NR2F1-AS1: variants seen among roughly 807,000 people sequenced by gnomAD.
NR2F1-AS1 encodes the protein NR2F1 regulatory antisense RNA 1, also known as NR2F1 antisense RNA 1.
At chr5:93,457,321 G>A (rs1468325760) in intron 4 of NR2F1-AS1, among the ~76,000 whole-genome samples, 2 of 152,174 alleles carry the variant, frequency 1.3e-5, no homozygotes, top group Non-Finnish European at 2.9e-5. Flanking sequence ...AGATTAGGGA[G>A]TGGTGATGAC....
At chr5:93,554,542 TTAA>T (rs1352177936) in intron 3 of NR2F1-AS1, among the ~76,000 whole-genome samples, 3 of 152,176 alleles carry the variant, frequency 2.0e-5, no homozygotes, top group Non-Finnish European at 4.4e-5. Flanking sequence ...GTAAGTAAAA[TTAA>T]TGTTACATGC....
In NR2F1-AS1 at chr5:93,579,969, G is replaced by C. The variant is rs1752982964; in HGVS notation, n.313+498C>G. On this transcript the variant is annotated intron_variant and non_coding_transcript_variant, in intron 1 of 5. Coordinates refer to ENST00000660523, the Ensembl canonical transcript of NR2F1-AS1. This position sits in a 1 kb window ranked among gnomAD's most constrained non-coding sequence, Gnocchi z 5.1. ...GGGGATGGCGTTACAAACGGCGTCC[G>C]CAGGTGGGCGGCTGCAGCCAAGCTC... Among the ~76,000 whole-genome samples, 1 of 152,322 alleles carries C rather than the reference G, an allele frequency of 6.6e-6. No homozygotes were observed. Among genetic ancestry groups the C allele is most frequent in the Middle Eastern group, 3.4e-3 (1 of 294 alleles).
At chr5:93,559,062 T>C (rs1054945538) in intron 2 of NR2F1-AS1, among the ~76,000 whole-genome samples, 2 of 152,242 alleles carry the variant, frequency 1.3e-5, no homozygotes, top group Non-Finnish European at 2.9e-5. Flanking sequence ...TGGACTTCTC[T>C]GCTCTAGCTA....
intron 4 of NR2F1-AS1, among the ~76,000 whole-genome samples, chr5:93,460,780 G>A (rs914806316): frequency 3.3e-5 from 5 of 152,152 alleles, no homozygotes; most frequent in African/African-American, 1.2e-4. Context: ...AAACCACAGT[G>A]AGGTACCATC....
chr5:93,478,870 A>G (rs1750542773), intron 4 of NR2F1-AS1, among the ~76,000 whole-genome samples: 1 of 152,202 alleles, frequency 6.6e-6, no homozygotes, highest in African/African-American at 2.4e-5. Flanking sequence ...CCATTCAATT[A>G]CCAATGAGTG....
chr5:93,567,087 C>T (rs1752635831), intron 1 of NR2F1-AS1, among the ~76,000 whole-genome samples: 1 of 151,938 alleles, frequency 6.6e-6, no homozygotes, highest in Non-Finnish European at 1.5e-5. Context: ...TATTCTCAGT[C>T]CAAAGTTTCT....
chr5:93,456,707 G>A (rs74659569), intron 4 of NR2F1-AS1, among the ~76,000 whole-genome samples: 1,863 of 151,022 alleles, frequency 0.012, 48 homozygotes, highest in African/African-American at 0.043. Flanking sequence ...GGGAACCGGC[G>A]TTCAGCATAT....
chr5:93,578,947 GAAGA>G (rs1029620001), intron 1 of NR2F1-AS1, among the ~76,000 whole-genome samples: 1 of 152,166 alleles, frequency 6.6e-6, no homozygotes, highest in Non-Finnish European at 1.5e-5. Context: ...AGAGAGCCTT[GAAGA>G]AAGAAAGAAA....
intron 4 of NR2F1-AS1, among the ~76,000 whole-genome samples, chr5:93,551,444 C>T (rs1441750971): frequency 1.3e-5 from 2 of 151,958 alleles, no homozygotes; most frequent in East Asian, 3.8e-4. Flanking sequence ...ATAAAATCAA[C>T]TTATAGCCTG....
Position 93,425,258 on chromosome 5 carries a change from C to T in NR2F1-AS1, n.639-29716G>A, listed in dbSNP as rs370182770. Reference sequence around the variant, plus strand: ...TCAGCTGGTAGTAGATGATCTCACTCGCATGTTTAGCAGTTCGATGACTGC... The same window carrying T: ...TCAGCTGGTAGTAGATGATCTCACTTGCATGTTTAGCAGTTCGATGACTGC... On this transcript the variant is annotated intron_variant and non_coding_transcript_variant, in intron 4 of 5. Coordinates refer to ENST00000660523, the Ensembl canonical transcript of NR2F1-AS1. Among the ~76,000 whole-genome samples the T allele has an allele frequency of 1.4e-4, 21 of 152,226 alleles. No homozygotes were observed. In the East Asian group the frequency reaches 1.7e-3, roughly 13 times the overall value.
At chr5:93,542,316 TA>T (rs1199482423) in intron 4 of NR2F1-AS1, 1 of 152,108 alleles carries the variant, frequency 6.6e-6, no homozygotes, top group Non-Finnish European at 1.5e-5. Flanking sequence ...CTTGAACTTC[TA>T]TTTTCAGTAA....
intron 4 of NR2F1-AS1, among the ~76,000 whole-genome samples, chr5:93,514,572 A>G (rs1751364427): frequency 1.3e-5 from 2 of 152,088 alleles, no homozygotes; most frequent in African/African-American, 4.8e-5. Flanking sequence ...TTTATAAATT[A>G]CTTGCCATTC....
intron 4 of NR2F1-AS1, among the ~76,000 whole-genome samples, chr5:93,433,906 C>T (rs1749378393): frequency 6.6e-6 from 1 of 152,070 alleles, no homozygotes; most frequent in Non-Finnish European, 1.5e-5. Context: ...AATTTATTGC[C>T]TCTACTTGAA....
chr5:93,481,574 C>T (rs1033802147), intron 4 of NR2F1-AS1, among the ~76,000 whole-genome samples: 4 of 152,128 alleles, frequency 2.6e-5, no homozygotes, highest in Middle Eastern at 6.8e-3. Flanking sequence ...CAGACATATA[C>T]AGAACACTCT....
intron 4 of NR2F1-AS1, among the ~76,000 whole-genome samples, chr5:93,480,377 G>A (rs368671634): frequency 5.3e-5 from 8 of 152,164 alleles, no homozygotes; most frequent in African/African-American, 1.9e-4. Flanking sequence ...TTAAAATACA[G>A]AAAGGGAAAA....
chr5:93,567,532 G>A (rs967619250), intron 1 of NR2F1-AS1, among the ~76,000 whole-genome samples: 2 of 152,148 alleles, frequency 1.3e-5, no homozygotes, highest in African/African-American at 2.4e-5. Flanking sequence ...CTTGAGCAAA[G>A]GTGGGAAGCA....
At chr5:93,559,957 C>T (rs1465524630) in intron 2 of NR2F1-AS1, among the ~76,000 whole-genome samples, 4 of 152,084 alleles carry the variant, frequency 2.6e-5, no homozygotes, top group Non-Finnish European at 5.9e-5. Flanking sequence ...CACCAATAGA[C>T]ATACTCTATA....
upstream of NR2F1-AS1, among the ~76,000 whole-genome samples, chr5:93,582,951 G>T (rs188594715): frequency 2.6e-5 from 4 of 152,124 alleles, no homozygotes; most frequent in South Asian, 6.2e-4. Context: ...AGCTAAGCGG[G>T]GGGGGGAGAA....
chr5:93,559,765 T>A (rs1037036594), intron 2 of NR2F1-AS1, among the ~76,000 whole-genome samples: 1 of 152,218 alleles, frequency 6.6e-6, no homozygotes, highest in African/African-American at 2.4e-5. Flanking sequence ...CACACATTTA[T>A]CAATTAGCTT....
Sources: allele counts gnomAD v4.1 joint callset (sites outside exome capture counted in the v4.1 genomes callset), GRCh38; gene constraint gnomAD v4.1.1; non-coding constraint Gnocchi (gnomAD v3.1); transcripts MANE v1.5; gene names NCBI Gene and HGNC (gene_info 2026-07-23, HGNC 2026-07-21).